Variants in TAFA4 observed in about 807,000 individuals in gnomAD.
TAFA4 encodes the protein chemokine-like protein TAFA-4.
A neutral mutation model predicts 21.1 loss-of-function variants in TAFA4; 20 were observed. That is an observed-to-expected ratio of 0.95 (90% confidence interval 0.67 to 1.38). The LOEUF (loss-of-function observed/expected upper bound fraction) is 1.38. Ranked by LOEUF, TAFA4 falls within the 40% of genes most tolerant of loss-of-function variation. TAFA4 has a pLI of 0.00. For synonymous variants in TAFA4, 71 were observed against 67.4 expected (o/e 1.05, Z -0.26); for missense variants, 211 against 180.9 (o/e 1.17, Z -0.95).
intron 1 of TAFA4, among the ~76,000 whole-genome samples, chr3:68,891,955 T>C (rs968352619): frequency 3.3e-5 from 5 of 152,222 alleles, no homozygotes; most frequent in African/African-American, 1.2e-4. Context: ...AAATGTAACT[T>C]CTCTCTTGAC....
At chr3:68,743,564 A>G (rs1702397472) in intron 4 of TAFA4, among the ~76,000 whole-genome samples, 1 of 147,090 alleles carries the variant, frequency 6.8e-6, no homozygotes, top group Admixed American at 6.7e-5. Flanking sequence ...TGACAGAGCA[A>G]GACTCTGTCT....
At chr3:68,821,708 T>C (rs531256905) in intron 3 of TAFA4, among the ~76,000 whole-genome samples, 1 of 152,110 alleles carries the variant, frequency 6.6e-6, no homozygotes, top group Non-Finnish European at 1.5e-5. Flanking sequence ...TAAACACCAC[T>C]GCTACCCTGG....
At chr3:68,768,587 T>A (rs1235297531) in intron 3 of TAFA4, among the ~76,000 whole-genome samples, 1 of 152,070 alleles carries the variant, frequency 6.6e-6, no homozygotes, top group Non-Finnish European at 1.5e-5. Context: ...TCCAGCAATC[T>A]CACTACCTGG....
chr3:68,901,883 C>T (rs1007711053), intron 1 of TAFA4, among the ~76,000 whole-genome samples: 1 of 152,170 alleles, frequency 6.6e-6, no homozygotes, highest in Admixed American at 6.5e-5. Context: ...ATCATTAGAC[C>T]TCTCTGAACC....
At chr3:68,832,472 G>T (rs1356335473) in intron 3 of TAFA4, among the ~76,000 whole-genome samples, 1 of 152,160 alleles carries the variant, frequency 6.6e-6, no homozygotes, top group Non-Finnish European at 1.5e-5. Context: ...TTTGCTGGAG[G>T]TCCACTCCAG....
intron 3 of TAFA4, among the ~76,000 whole-genome samples, chr3:68,820,607 A>T (rs1704092368): frequency 6.6e-6 from 1 of 152,200 alleles, no homozygotes; most frequent in Non-Finnish European, 1.5e-5. Flanking sequence ...TCAAGGCTGC[A>T]GTGAGCCATG....
intron 3 of TAFA4, among the ~76,000 whole-genome samples, chr3:68,801,956 G>C (rs1012931503): frequency 6.6e-6 from 1 of 151,368 alleles, no homozygotes; most frequent in Non-Finnish European, 1.5e-5. Flanking sequence ...TTTTTTTCCA[G>C]AATCCAGCAA....
chr3:68,825,395 C>T lies in TAFA4; in HGVS notation c.130+55335G>A, dbSNP rs1423992736. On this transcript the variant is annotated intron_variant, in intron 3 of 5. Transcript: ENST00000295569. ...TATCATTGATGGGCATTTGGGTTGA[C>T]TCCAATCTCATTACTGGGTATACAC... Among the ~76,000 whole-genome samples the T allele has an allele frequency of 2.6e-5, 4 of 152,216 alleles. No homozygotes were observed. The East Asian group carries it at 7.7e-4, about 29-fold the overall frequency.
chr3:68,890,552 T>C (rs1371108184), intron 1 of TAFA4, among the ~76,000 whole-genome samples: 2 of 152,204 alleles, frequency 1.3e-5, no homozygotes, highest in Non-Finnish European at 2.9e-5. Context: ...ACCATGCACT[T>C]GTTAGTCATT....
chr3:68,808,709 T>C (rs1703760509), intron 3 of TAFA4, among the ~76,000 whole-genome samples: 1 of 152,128 alleles, frequency 6.6e-6, no homozygotes. Flanking sequence ...TCTAAAAACC[T>C]AGAGATAACA....
intron 3 of TAFA4, among the ~76,000 whole-genome samples, chr3:68,852,699 T>C (rs1162654798): frequency 6.6e-6 from 1 of 152,182 alleles, no homozygotes; most frequent in Non-Finnish European, 1.5e-5. Flanking sequence ...GATCAATTTC[T>C]TTTCCAATTT....
rs543053913 is a variant in TAFA4 at position 68,748,504 on chromosome 3, A to G, written c.286+4359T>C. Among the ~76,000 whole-genome samples, 95 of 152,308 alleles carry G rather than the reference A, an allele frequency of 6.2e-4. 1 individual carries two copies. In the Middle Eastern group the frequency reaches 0.01, roughly 16 times the overall value. ...ATGCCTGTAATCCCAGCACTTTGGGAGGCCAAGGCGGGTGGATCACGAAGT... is the reference window on the plus strand; with the variant it reads ...ATGCCTGTAATCCCAGCACTTTGGGGGGCCAAGGCGGGTGGATCACGAAGT... On this transcript the variant is annotated intron_variant, in intron 4 of 5. Coordinates refer to ENST00000295569, the MANE Select transcript of TAFA4 (RefSeq NM_182522.5).
At chr3:68,735,332 A>G (rs890068227) in intron 5 of TAFA4, among the ~76,000 whole-genome samples, 93 of 152,258 alleles carry the variant, frequency 6.1e-4, no homozygotes, top group African/African-American at 2.2e-3. Flanking sequence ...TGTTCTCTCA[A>G]CAGGGAGGGA....
chr3:68,824,233 G>A (rs190934847), intron 3 of TAFA4, among the ~76,000 whole-genome samples: 1 of 152,206 alleles, frequency 6.6e-6, no homozygotes, highest in African/African-American at 2.4e-5. Flanking sequence ...GCTTAAAAAT[G>A]ATGTAAATTT....
At chr3:68,880,093 A>T (rs1417822705) in intron 3 of TAFA4, among the ~76,000 whole-genome samples, 1 of 150,246 alleles carries the variant, frequency 6.7e-6, no homozygotes, top group African/African-American at 2.4e-5. Flanking sequence ...ACACAAACTG[A>T]TCGGTAGCTG....
chr3:68,737,210 TCG>T (rs1702258340), intron 5 of TAFA4, among the ~76,000 whole-genome samples: 1 of 152,096 alleles, frequency 6.6e-6, no homozygotes, highest in East Asian at 1.9e-4. Context: ...ATACCCTAAT[TCG>T]TGGGCTACTC....
At chr3:68,786,358 C>G (rs1209827692) in intron 3 of TAFA4, among the ~76,000 whole-genome samples, 1 of 152,126 alleles carries the variant, frequency 6.6e-6, no homozygotes, top group East Asian at 1.9e-4. Flanking sequence ...ACCAGCTACC[C>G]AGGAGGCTGA....
At chr3:68,875,157 G>T (rs1474258148) in intron 3 of TAFA4, among the ~76,000 whole-genome samples, 1 of 151,952 alleles carries the variant, frequency 6.6e-6, no homozygotes. Flanking sequence ...CTATGTCATA[G>T]CAAGACTGAA....
intron 3 of TAFA4, among the ~76,000 whole-genome samples, chr3:68,825,593 G>A (rs1449228451): frequency 2.0e-5 from 3 of 150,294 alleles, no homozygotes; most frequent in African/African-American, 7.5e-5. Flanking sequence ...TTACCTTAAT[G>A]AACACATTTC....
Sources: allele counts gnomAD v4.1 joint callset (sites outside exome capture counted in the v4.1 genomes callset), GRCh38; gene constraint gnomAD v4.1.1; transcripts MANE v1.5; gene names NCBI Gene and HGNC (gene_info 2026-07-23, HGNC 2026-07-21).